Variants in XYLT1 observed in about 807,000 individuals in gnomAD.
The protein encoded by XYLT1 is xylosyltransferase 1, also known as beta-D-xylosyltransferase 1.
XYLT1 carries 36 observed loss-of-function variants against 91.3 expected under a neutral mutation model. The ratio of observed to expected loss-of-function variants is 0.39; its 90% CI spans 0.30 to 0.52. The LOEUF (loss-of-function observed/expected upper bound fraction) is 0.52. XYLT1 is among the 20% of genes least tolerant of loss of function. The pLI, the probability that XYLT1 is intolerant of heterozygous loss-of-function variation, is 0.68. For missense variants in XYLT1, 1,242 were observed against 1,284.5 expected (o/e 0.97, Z 0.51); for synonymous variants, 588 against 532.0 (o/e 1.11, Z -1.45).
chr16:17,156,363 AC>A (rs1187944659), intron 6 of XYLT1, among the ~76,000 whole-genome samples: 1 of 152,260 alleles, frequency 6.6e-6, no homozygotes, highest in African/African-American at 2.4e-5. Context: ...TTCTCGAGAC[AC>A]AACTTTGCAC....
chr16:17,353,690 G>A (rs2035251506), intron 2 of XYLT1, among the ~76,000 whole-genome samples: 1 of 146,542 alleles, frequency 6.8e-6, no homozygotes, highest in Admixed American at 6.8e-5. Context: ...TACATCTGTG[G>A]ATAGTTGTGC....
intron 3 of XYLT1, among the ~76,000 whole-genome samples, chr16:17,204,094 G>A (rs1271029023): frequency 3.3e-5 from 5 of 152,224 alleles, no homozygotes; most frequent in Non-Finnish European, 7.3e-5. Context: ...GGGAGGGGAA[G>A]CTGAGTGTTG....
intron 5 of XYLT1, among the ~76,000 whole-genome samples, chr16:17,165,320 A>G (rs1241521081): frequency 6.6e-6 from 1 of 152,212 alleles, no homozygotes; most frequent in Non-Finnish European, 1.5e-5. Context: ...GTAATGACCT[A>G]TGCTGCTTCT....
chr16:17,401,014 AC>A (rs2141901193), intron 1 of XYLT1, among the ~76,000 whole-genome samples: 1 of 143,268 alleles, frequency 7.0e-6, no homozygotes, highest in African/African-American at 2.6e-5. Flanking sequence ...ACACACACAC[AC>A]CTGTCTACAA....
intron 10 of XYLT1, among the ~76,000 whole-genome samples, chr16:17,120,921 A>G (rs372590262): frequency 1.3e-5 from 2 of 152,148 alleles, no homozygotes; most frequent in Non-Finnish European, 2.9e-5. Flanking sequence ...ATCTCTACCA[A>G]TCTGTCACAT....
chr16:17,348,411 G>A (rs2035175655), intron 2 of XYLT1, among the ~76,000 whole-genome samples: 1 of 152,130 alleles, frequency 6.6e-6, no homozygotes, highest in Middle Eastern at 3.2e-3. Context: ...CAGGCCCTAA[G>A]GTATGGGAGT....
At chr16:17,398,283 G>A (rs999216383) in intron 1 of XYLT1, among the ~76,000 whole-genome samples, 1 of 152,200 alleles carries the variant, frequency 6.6e-6, no homozygotes, top group African/African-American at 2.4e-5. Context: ...CTGGAATCAA[G>A]ACAAAGAAAG....
chr16:17,147,387 G>A (rs1184875202), intron 6 of XYLT1, among the ~76,000 whole-genome samples: 1 of 152,154 alleles, frequency 6.6e-6, no homozygotes, highest in Non-Finnish European at 1.5e-5. Context: ...GAGAGGACTA[G>A]CAAAATTTTT....
At chr16:17,197,987 A>G in intron 5 of XYLT1, 2 of 595,346 alleles carry the variant, frequency 3.4e-6, no homozygotes, top group Admixed American at 3.0e-5. Flanking sequence ...GTGCACTGGC[A>G]TATCAGCTAA....
chr16:17,392,041 G>A lies in XYLT1; in HGVS notation c.364-33991C>T, dbSNP rs546153894. Among the ~76,000 whole-genome samples, 3 of 152,252 alleles carry A rather than the reference G, an allele frequency of 2.0e-5. No individual in the cohort carries two copies. In the South Asian group the frequency reaches 6.2e-4, roughly 32 times the overall value. On this transcript the variant is annotated intron_variant, in intron 1 of 11. Transcript: ENST00000261381. ...TCAATGTCTTTATTTCGCAGCATGA[G>A]AAATGACTAATACAGGCACCCTTAT...
chr16:17,218,151 G>A (rs550745680), intron 3 of XYLT1, among the ~76,000 whole-genome samples: 2 of 151,890 alleles, frequency 1.3e-5, no homozygotes, highest in African/African-American at 4.8e-5. Flanking sequence ...TCAGCTACTC[G>A]GGAGGCTGAG....
chr16:17,192,586 C>T (rs990794216), intron 5 of XYLT1, among the ~76,000 whole-genome samples: 3 of 152,150 alleles, frequency 2.0e-5, no homozygotes, highest in Non-Finnish European at 1.5e-5. Flanking sequence ...TTGAAAGTAT[C>T]CATTTTCCAC....
chr16:17,272,407 G>A (rs372937136), intron 2 of XYLT1, among the ~76,000 whole-genome samples: 1 of 151,890 alleles, frequency 6.6e-6, no homozygotes, highest in East Asian at 1.9e-4. Flanking sequence ...CAAGTGATCT[G>A]CCTCCCTTGG....
At chr16:17,335,040 A>G (rs1475571290) in intron 2 of XYLT1, among the ~76,000 whole-genome samples, 1 of 151,952 alleles carries the variant, frequency 6.6e-6, no homozygotes, top group Non-Finnish European at 1.5e-5. Context: ...CCTGGCCAAC[A>G]TGGCATAACC....
chr16:17,175,491 C>A (rs1450095193), intron 5 of XYLT1, among the ~76,000 whole-genome samples: 1 of 151,866 alleles, frequency 6.6e-6, no homozygotes, highest in Non-Finnish European at 1.5e-5. Context: ...GGTTAGACAG[C>A]CCACAGGTAA....
intron 2 of XYLT1, among the ~76,000 whole-genome samples, chr16:17,289,390 C>A (rs2034189077): frequency 6.6e-6 from 1 of 152,264 alleles, no homozygotes; most frequent in Non-Finnish European, 1.5e-5. Context: ...AGAATTTCCA[C>A]ATAAAATCCC....
intron 3 of XYLT1, among the ~76,000 whole-genome samples, chr16:17,252,895 G>A (rs757401641): frequency 4.6e-5 from 7 of 152,176 alleles, no homozygotes; most frequent in Admixed American, 1.3e-4. Context: ...GTGATGTTGC[G>A]TAAAGCAAAA....
chr16:17,399,182 A>T (rs1485665389), intron 1 of XYLT1, among the ~76,000 whole-genome samples: 1 of 152,160 alleles, frequency 6.6e-6, no homozygotes, highest in African/African-American at 2.4e-5. Context: ...TGGGGGCAGG[A>T]GAGGGGACAT....
At chr16:17,423,924 C>T (rs1275818888) in intron 1 of XYLT1, among the ~76,000 whole-genome samples, 1 of 152,192 alleles carries the variant, frequency 6.6e-6, no homozygotes, top group African/African-American at 2.4e-5. Flanking sequence ...CATGCCACAG[C>T]AGTGGTGACC....
Sources: allele counts gnomAD v4.1 joint callset (sites outside exome capture counted in the v4.1 genomes callset), GRCh38; gene constraint gnomAD v4.1.1; transcripts MANE v1.5; gene names NCBI Gene and HGNC (gene_info 2026-07-23, HGNC 2026-07-21).